Variants in TOX observed in about 807,000 individuals in gnomAD.
TOX encodes the protein thymocyte selection-associated high mobility group box protein TOX.
A neutral mutation model predicts 53.7 loss-of-function variants in TOX; 11 were observed. That is an observed-to-expected ratio of 0.20 (90% CI 0.13 to 0.34). The LOEUF is 0.34. Among genes scored for constraint, TOX ranks in the 10% least tolerant of loss-of-function variants. The probability of loss-of-function intolerance (pLI) is 1.00; values close to 1 mark genes in which losing one functional copy is unlikely to be tolerated. For synonymous variants in TOX, 225 were observed against 245.3 expected, an observed-to-expected ratio of 0.92 and a Z score of 0.77; for missense variants, 570 against 664.6, an observed-to-expected ratio of 0.86 and a Z score of 1.56.
At chr8:58,992,088 T>C (rs2129417465) in intron 1 of TOX, 1 of 152,396 alleles carries the variant, frequency 6.6e-6, no homozygotes, top group East Asian at 1.9e-4. Flanking sequence ...CTGCTGCACA[T>C]GCTGCTGGCT....
chr8:59,008,644 A>G (rs890374384), intron 1 of TOX, among the ~76,000 whole-genome samples: 1 of 152,218 alleles, frequency 6.6e-6, no homozygotes, highest in African/African-American at 2.4e-5. Flanking sequence ...CGTAATGACC[A>G]GTCATACGTC....
At chr8:59,009,275 G>T (rs1391056135) in intron 1 of TOX, among the ~76,000 whole-genome samples, 1 of 146,938 alleles carries the variant, frequency 6.8e-6, no homozygotes, top group South Asian at 2.2e-4. Context: ...ATCTTCCATT[G>T]TATGCCCTCC....
intron 1 of TOX, among the ~76,000 whole-genome samples, chr8:59,088,371 T>A (rs897713113): frequency 1.8e-4 from 28 of 152,248 alleles, no homozygotes; most frequent in African/African-American, 6.5e-4. Flanking sequence ...GGAATTTATA[T>A]TTCCAATGGG....
chr8:58,836,931 T>C (rs1201552503), intron 5 of TOX, among the ~76,000 whole-genome samples: 1 of 152,206 alleles, frequency 6.6e-6, no homozygotes, highest in Non-Finnish European at 1.5e-5. Flanking sequence ...AATGAATGAA[T>C]TTAATTTATA....
At position 58,807,001 on chromosome 8, in the gene TOX, A is replaced by G. The variant is rs908806047; in HGVS notation, c.*746T>C. 1 of 152,632 alleles carries G rather than the reference A, an allele frequency of 6.6e-6. No homozygotes were observed. The highest frequency in any genetic ancestry group is 2.4e-5 in the African/African-American group (1 of 41,448). The allele number at this position is 152,632 out of a possible 1,614,324, so 9.5% of individuals were successfully genotyped here. A position where few individuals can be genotyped will look rare whatever the true frequency, so the allele number is the denominator to read the frequency against. On this transcript the variant is annotated 3_prime_UTR_variant, in exon 9 of 9. Transcript: ENST00000361421. Reference sequence around the variant, plus strand: ...AGGACTTAAATGACATTTACTAACCATTACACAAAAAGTGATACAAAAAAG... The same window carrying G: ...AGGACTTAAATGACATTTACTAACCGTTACACAAAAAGTGATACAAAAAAG...
intron 1 of TOX, among the ~76,000 whole-genome samples, chr8:59,095,666 C>T (rs1804701488): frequency 6.6e-6 from 1 of 152,154 alleles, no homozygotes; most frequent in Non-Finnish European, 1.5e-5. Context: ...TCCCAAAGTG[C>T]TGGGATTACA....
At chr8:59,058,772 C>T (rs1291386088) in intron 1 of TOX, among the ~76,000 whole-genome samples, 1 of 152,204 alleles carries the variant, frequency 6.6e-6, no homozygotes, top group Non-Finnish European at 1.5e-5. Context: ...CAACTATTTT[C>T]CTACCAGCCA....
chr8:59,063,476 T>C (rs555952047), intron 1 of TOX, among the ~76,000 whole-genome samples: 31 of 147,796 alleles, frequency 2.1e-4, no homozygotes, highest in Non-Finnish European at 4.0e-4. Flanking sequence ...CAAGCTGGAA[T>C]GCAGTGACAT....
intron 1 of TOX, among the ~76,000 whole-genome samples, chr8:59,090,218 C>T (rs1804586672): frequency 6.6e-6 from 1 of 152,188 alleles, no homozygotes; most frequent in Non-Finnish European, 1.5e-5. Flanking sequence ...TCTCAAGGAA[C>T]ACCTATCAAA....
chr8:59,035,716 C>T (rs1343669269), intron 1 of TOX, among the ~76,000 whole-genome samples: 2 of 152,060 alleles, frequency 1.3e-5, no homozygotes, highest in African/African-American at 2.4e-5. Context: ...GCTGCAAAGC[C>T]AAAAATGTCC....
At chr8:58,954,212 T>C (rs1437914145) in intron 2 of TOX, among the ~76,000 whole-genome samples, 1 of 152,196 alleles carries the variant, frequency 6.6e-6, no homozygotes, top group Non-Finnish European at 1.5e-5. Context: ...GGGAGTGCTA[T>C]AACCTTCTGT....
intron 6 of TOX, among the ~76,000 whole-genome samples, chr8:58,825,745 T>C (rs1389286125): frequency 1.3e-5 from 2 of 152,228 alleles, no homozygotes; most frequent in East Asian, 3.8e-4. Context: ...TGATCTAATA[T>C]TTTACACTTT....
intron 1 of TOX, among the ~76,000 whole-genome samples, chr8:59,094,924 G>C (rs1049636522): frequency 6.6e-6 from 1 of 152,100 alleles, no homozygotes; most frequent in Non-Finnish European, 1.5e-5. Context: ...CACTACATTT[G>C]GTAGTGGCAC....
intron 1 of TOX, among the ~76,000 whole-genome samples, chr8:59,052,154 A>G (rs1803802579): frequency 6.6e-6 from 1 of 152,228 alleles, no homozygotes. Flanking sequence ...TTTATACAGA[A>G]ACAAGGATGC....
intron 1 of TOX, among the ~76,000 whole-genome samples, chr8:59,033,704 C>T (rs1162028143): frequency 6.6e-6 from 1 of 152,098 alleles, no homozygotes; most frequent in Non-Finnish European, 1.5e-5. Context: ...TTGGGGCAAA[C>T]CATATTATAT....
At chr8:59,108,314 T>C (rs1804948464) in intron 1 of TOX, among the ~76,000 whole-genome samples, 1 of 152,298 alleles carries the variant, frequency 6.6e-6, no homozygotes, top group Middle Eastern at 3.4e-3. Context: ...AATTCACGTA[T>C]ATTGTGCAAT....
chr8:58,983,370 T>C (rs1456674733), intron 1 of TOX, among the ~76,000 whole-genome samples: 1 of 152,210 alleles, frequency 6.6e-6, no homozygotes, highest in African/African-American at 2.4e-5. Context: ...TCTCAGGTAA[T>C]GTTGATGCTG....
chr8:58,868,928 C>T (rs1478205731), intron 3 of TOX, among the ~76,000 whole-genome samples: 1 of 149,804 alleles, frequency 6.7e-6, no homozygotes, highest in Non-Finnish European at 1.5e-5. Context: ...AATTGATAGA[C>T]CTCTAGACAG....
intron 1 of TOX, among the ~76,000 whole-genome samples, chr8:59,008,588 C>T (rs1429807825): frequency 6.6e-6 from 1 of 152,154 alleles, no homozygotes; most frequent in Non-Finnish European, 1.5e-5. Context: ...CTCACCTCCC[C>T]CCCATGACTC....
Sources: gnomAD v4.1 joint callset for allele counts (sites outside exome capture counted in the v4.1 genomes callset) on GRCh38, gnomAD v4.1.1 for gene constraint, MANE v1.5 for transcripts, NCBI Gene and HGNC (gene_info 2026-07-23, HGNC 2026-07-21) for gene names.